The following ADAMTS3 variants were observed in gnomAD, a reference collection of about 807,000 sequenced individuals.
The protein encoded by ADAMTS3 is ADAM metallopeptidase with thrombospondin type 1 motif 3.
A neutral mutation model predicts 129.0 loss-of-function variants in ADAMTS3; 73 were observed. The ratio of observed to expected loss-of-function variants is 0.57; its 90% CI spans 0.47 to 0.69. ADAMTS3 has a LOEUF of 0.69. Among genes scored for constraint, ADAMTS3 ranks in the 30% least tolerant of loss-of-function variants. The probability of loss-of-function intolerance (pLI) is 0.00; values close to 1 mark genes in which losing one functional copy is unlikely to be tolerated. For synonymous variants in ADAMTS3, 477 were observed against 510.8 expected (o/e 0.93, Z 0.89); for missense variants, 1,457 against 1,514.5 (o/e 0.96, Z 0.63).
At chr4:72,398,610 A>C (rs879811316) in intron 4 of ADAMTS3, among the ~76,000 whole-genome samples, 2 of 152,112 alleles carry the variant, frequency 1.3e-5, no homozygotes, top group Non-Finnish European at 2.9e-5. Context: ...CATAAATAAA[A>C]GTATCTACAA....
intron 3 of ADAMTS3, among the ~76,000 whole-genome samples, chr4:72,448,484 G>C (rs563496418): frequency 7.9e-4 from 120 of 151,860 alleles, no homozygotes; most frequent in Non-Finnish European, 1.2e-3. Flanking sequence ...GATTACTTAA[G>C]ATTAGTCACT....
intron 4 of ADAMTS3, among the ~76,000 whole-genome samples, chr4:72,393,176 G>A (rs956926809): frequency 3.9e-5 from 6 of 151,906 alleles, no homozygotes; most frequent in African/African-American, 2.4e-5. Flanking sequence ...CACCCACCTC[G>A]GCCGCCCAAA....
At chr4:72,338,939 T>C (rs569024896) in intron 5 of ADAMTS3, among the ~76,000 whole-genome samples, 48 of 152,140 alleles carry the variant, frequency 3.2e-4, no homozygotes, top group Non-Finnish European at 6.3e-4. Context: ...AAGAGACCAT[T>C]AGTGGTTGCT....
At chr4:72,433,787 A>G (rs942170345) in intron 3 of ADAMTS3, among the ~76,000 whole-genome samples, 1 of 151,974 alleles carries the variant, frequency 6.6e-6, no homozygotes, top group Non-Finnish European at 1.5e-5. Context: ...AATTATCAAA[A>G]GAAGAGCAGA....
At chr4:72,498,237 C>T (rs1030717609) in intron 3 of ADAMTS3, among the ~76,000 whole-genome samples, 1 of 152,008 alleles carries the variant, frequency 6.6e-6, no homozygotes, top group African/African-American at 2.4e-5. Flanking sequence ...GCATTCTGGT[C>T]TAACAACTCC....
intron 10 of ADAMTS3, among the ~76,000 whole-genome samples, chr4:72,317,788 G>A (rs1719438148): frequency 6.6e-6 from 1 of 152,152 alleles, no homozygotes; most frequent in African/African-American, 2.4e-5. Context: ...AGAACTTTGG[G>A]AGGCCAAGGC....
At chr4:72,517,604 A>G (rs1560546765) in intron 3 of ADAMTS3, among the ~76,000 whole-genome samples, 2 of 152,058 alleles carry the variant, frequency 1.3e-5, no homozygotes, top group South Asian at 2.1e-4. Flanking sequence ...TTTCTTCTAG[A>G]TTTTCTACTT....
intron 4 of ADAMTS3, among the ~76,000 whole-genome samples, chr4:72,406,654 C>A (rs922761464): frequency 2.0e-5 from 3 of 152,166 alleles, no homozygotes; most frequent in Non-Finnish European, 4.4e-5. Context: ...TTTATGTACA[C>A]TGCAAGTGGG....
intron 19 of ADAMTS3, among the ~76,000 whole-genome samples, chr4:72,294,892 A>G (rs1335122130): frequency 6.6e-6 from 1 of 152,020 alleles, no homozygotes; most frequent in Non-Finnish European, 1.5e-5. Flanking sequence ...AAGGAGGATG[A>G]TGAAAGGAAA....
intron 3 of ADAMTS3, among the ~76,000 whole-genome samples, chr4:72,524,678 G>A (rs574348224): frequency 6.6e-6 from 1 of 152,194 alleles, no homozygotes; most frequent in Non-Finnish European, 1.5e-5. Context: ...CCCTTAACCA[G>A]TAGCCTCTCT....
At chr4:72,349,664 A>G (rs936295428) in intron 4 of ADAMTS3, among the ~76,000 whole-genome samples, 2 of 152,008 alleles carry the variant, frequency 1.3e-5, no homozygotes, top group Admixed American at 6.6e-5. Flanking sequence ...ACATTTTTTA[A>G]GTATTATGTA....
intron 3 of ADAMTS3, among the ~76,000 whole-genome samples, chr4:72,444,611 A>C (rs1718204455): frequency 6.6e-6 from 1 of 151,784 alleles, no homozygotes; most frequent in Non-Finnish European, 1.5e-5. Context: ...TTAGGCAATT[A>C]AGTGGTCAGT....
At chr4:72,398,120 C>G (rs1721772820) in intron 4 of ADAMTS3, among the ~76,000 whole-genome samples, 1 of 152,132 alleles carries the variant, frequency 6.6e-6, no homozygotes, top group South Asian at 2.1e-4. Flanking sequence ...GAACAACAAT[C>G]TGTTGAAATT....
chr4:72,552,399 GT>G (rs1251488900), intron 2 of ADAMTS3, among the ~76,000 whole-genome samples: 2 of 152,122 alleles, frequency 1.3e-5, no homozygotes, highest in Non-Finnish European at 2.9e-5. Flanking sequence ...TTAAAATAAT[GT>G]TGTGGTTCAA....
At chr4:72,462,799 T>C (rs1357467568) in intron 3 of ADAMTS3, among the ~76,000 whole-genome samples, 2 of 151,766 alleles carry the variant, frequency 1.3e-5, no homozygotes, top group Non-Finnish European at 2.9e-5. Flanking sequence ...TGGGTTATTA[T>C]AAGAGTTTAA....
At chr4:72,339,991 A>G (rs1053192164) in intron 4 of ADAMTS3, among the ~76,000 whole-genome samples, 4 of 152,182 alleles carry the variant, frequency 2.6e-5, no homozygotes, top group Admixed American at 2.0e-4. Context: ...TTCTCCCAGC[A>G]AAGAGTCAAG....
chr4:72,453,034 G>C (rs1718450631), intron 3 of ADAMTS3, among the ~76,000 whole-genome samples: 1 of 151,762 alleles, frequency 6.6e-6, no homozygotes, highest in Non-Finnish European at 1.5e-5. Flanking sequence ...TATTACATTT[G>C]CATCTCAAAA....
At chr4:72,331,327 GC>G (rs1225785429) in intron 5 of ADAMTS3, among the ~76,000 whole-genome samples, 1 of 152,144 alleles carries the variant, frequency 6.6e-6, no homozygotes, top group Non-Finnish European at 1.5e-5. Flanking sequence ...AATTAAGATA[GC>G]TTGTTGAGGT....
At chr4:72,398,368 C>T (rs1324864760) in intron 4 of ADAMTS3, among the ~76,000 whole-genome samples, 1 of 151,794 alleles carries the variant, frequency 6.6e-6, no homozygotes, top group African/African-American at 2.4e-5. Context: ...ACCAGCCTGG[C>T]CAACATGGAG....
Sources: allele counts gnomAD v4.1 joint callset (sites outside exome capture counted in the v4.1 genomes callset), GRCh38; gene constraint gnomAD v4.1.1; transcripts MANE v1.5; gene names NCBI Gene and HGNC (gene_info 2026-07-23, HGNC 2026-07-21).